MTMR10: variants seen among roughly 807,000 people sequenced by gnomAD.
MTMR10 encodes the protein myotubularin-related protein 10.
In MTMR10, 56 loss-of-function variants were observed where a neutral mutation model predicts 88.1. That is an observed-to-expected ratio of 0.64 (90% CI 0.51 to 0.79). The LOEUF is 0.79. Ranked by LOEUF, MTMR10 falls within the 30% of genes least tolerant of loss-of-function variation. The pLI is 0.00. For synonymous variants in MTMR10, 380 were observed against 340.9 expected (o/e 1.11, Z -1.26); for missense variants, 883 against 924.7 (o/e 0.95, Z 0.58).
At chr15:30,977,521 A>G (rs1595942654) in intron 2 of MTMR10, among the ~76,000 whole-genome samples, 1 of 152,380 alleles carries the variant, frequency 6.6e-6, no homozygotes, top group African/African-American at 2.4e-5. Context: ...ATTAAAAGAA[A>G]TAAATATAAG....
rs911676919 is a variant in MTMR10 at position 30,939,515 on chromosome 15, A to C, written c.*1955T>G. 9 of 981,428 alleles carry C rather than the reference A, an allele frequency of 9.2e-6. No individual in the cohort carries two copies. The African/African-American group carries it at 1.4e-4, about 15-fold the overall frequency. The allele number at this position is 981,428 out of a possible 1,614,324, so 60.8% of individuals were successfully genotyped here. The stretch of plus-strand genomic sequence containing the variant: ...TAAACTGTAGCACAATAATCATGAT[A>C]TAACAACTGTCCAGCAAAAATAAAA... On this transcript the variant is annotated 3_prime_UTR_variant, in exon 16 of 16. Coordinates refer to ENST00000435680, the MANE Select transcript of MTMR10 (RefSeq NM_017762.3).
downstream of MTMR10, chr15:30,937,299 AT>A: frequency 6.4e-7 from 1 of 1,563,438 alleles, no homozygotes; most frequent in South Asian, 1.2e-5. Flanking sequence ...TTAATGTAAG[AT>A]TTTCAAGAGT....
downstream of MTMR10, chr15:30,937,265 G>A (rs1383965315): frequency 1.9e-6 from 3 of 1,599,628 alleles, no homozygotes; most frequent in Non-Finnish European, 2.6e-6. Flanking sequence ...AAAAGGTATG[G>A]AATTGGGGAT....
chr15:30,942,773 A>T, intron 15 of MTMR10, 117 bp downstream of exon 15: 1 of 1,068,738 alleles, frequency 9.4e-7, no homozygotes, highest in Non-Finnish European at 1.3e-6. Flanking sequence ...ACCCCTCAGA[A>T]ACCCGCATTA....
rs11856420 is a variant in MTMR10, at chr15:30,942,818, C to T, written c.1731+72G>A. On this transcript the variant is annotated intron_variant, in intron 15 of 15. Coordinates refer to ENST00000435680, the MANE Select transcript of MTMR10 (RefSeq NM_017762.3). ...CTCTTGGAAGTGCCTTTACTTTTAA[C>T]GCTCTCTGTTCTGAAAAAGAGGTGT... 6.3e-4 allele frequency: 886 copies of T among 1,409,472 alleles called. 5 individuals are homozygous for T. The African/African-American group carries it at 0.011, about 17-fold the overall frequency. 87.3% of individuals were successfully genotyped at this position (1,409,472 alleles called of 1,614,324 possible).
At chr15:30,976,468 T>C (rs1469899123) in intron 3 of MTMR10, among the ~76,000 whole-genome samples, 2 of 152,164 alleles carry the variant, frequency 1.3e-5, no homozygotes, top group East Asian at 1.9e-4. Context: ...CTAAAATGTG[T>C]GGCATTTATA....
chr15:30,925,005 T>C, the MTMR10 span: 5 of 992,658 alleles, frequency 5.0e-6, no homozygotes, highest in Non-Finnish European at 7.4e-6. Flanking sequence ...AGAAGTGCTG[T>C]TTGCTCATTT....
chr15:30,987,626 C>T (rs2031022647), intron 2 of MTMR10, among the ~76,000 whole-genome samples: 1 of 152,040 alleles, frequency 6.6e-6, no homozygotes, highest in Non-Finnish European at 1.5e-5. Flanking sequence ...ACCCTTGGAC[C>T]CAAGGCATTA....
In MTMR10 at chr15:30,967,782, T is replaced by C. The variant is rs1283654696; in HGVS notation, c.565+138A>G. The C allele has an allele frequency of 1.9e-5, 12 of 628,650 alleles. No individual in the cohort carries two copies. The Admixed American group carries it at 2.0e-4, about 10-fold the overall frequency. The allele number at this position is 628,650 out of a possible 1,614,324, so 38.9% of individuals were successfully genotyped here. Reference sequence around the variant, plus strand: ...ACAAACTATTGGCTCTTTTAGCATGTAGTGCTTACTTCTCTAAGGTATGAA... The same window carrying C: ...ACAAACTATTGGCTCTTTTAGCATGCAGTGCTTACTTCTCTAAGGTATGAA... On this transcript the variant is annotated intron_variant, in intron 6 of 15. Transcript: ENST00000435680.
At chr15:30,963,405 C>A (rs992418356) in intron 6 of MTMR10, among the ~76,000 whole-genome samples, 11 of 151,726 alleles carry the variant, frequency 7.2e-5, no homozygotes, top group African/African-American at 2.2e-4. Context: ...CCGAGGTGGG[C>A]GGATCACAAG....
chr15:30,930,767 A>G, the MTMR10 span: 1 of 1,466,506 alleles, frequency 6.8e-7, no homozygotes. Flanking sequence ...TGTTGGCAAG[A>G]TTGAATTCCT....
downstream of MTMR10, among the ~76,000 whole-genome samples, chr15:30,934,557 A>G (rs893826920): frequency 4.6e-5 from 7 of 151,460 alleles, no homozygotes; most frequent in African/African-American, 1.7e-4. Flanking sequence ...TGGTTTTTGT[A>G]TTTTTTAGAG....
Position 30,965,031 on chromosome 15 carries a change from A to C in MTMR10, c.565+2889T>G, listed in dbSNP as rs184000623. 2.7e-3 allele frequency among the ~76,000 whole-genome samples: 409 copies of C among 152,320 alleles called. 3 individuals are homozygous for C. The highest frequency in any genetic ancestry group is 2.8e-3 in the Non-Finnish European group (191 of 68,016). On this transcript the variant is annotated intron_variant, in intron 6 of 15. Coordinates refer to ENST00000435680, the MANE Select transcript of MTMR10 (RefSeq NM_017762.3). ...GGACTGTGAGTATTAATCAGTTCAA[A>C]AGCATGAGTCAACAAAGTGGTTCTT...
intron 6 of MTMR10, chr15:30,965,812 G>A (rs1430423866): frequency 6.6e-6 from 2 of 300,764 alleles, no homozygotes; most frequent in Non-Finnish European, 1.3e-5. Flanking sequence ...CATTTTCTCA[G>A]ATAACTGCAG....
rs2063029513 is a variant in MTMR10 at position 30,941,033 on chromosome 15, G to GA, written c.*436dup. 8.5e-7 allele frequency: 1 copy of GA among 1,169,744 alleles called. No homozygotes were observed. The highest frequency in any genetic ancestry group is 1.1e-6 in the Non-Finnish European group (1 of 934,016). 72.5% of individuals were successfully genotyped at this position (1,169,744 alleles called of 1,614,324 possible). On this transcript the variant is annotated 3_prime_UTR_variant, in exon 16 of 16. Transcript: ENST00000435680. ...AATTAGAGACGACAGAAAGTAACCAGAAAAATACATGAATACTTCCTAAAA... is the reference window on the plus strand; with the variant it reads ...AATTAGAGACGACAGAAAGTAACCAGAAAAAATACATGAATACTTCCTAAAA...
chr15:30,943,256 C>G, intron 14 of MTMR10, 184 bp from the exon 15 acceptor site: 1 of 1,357,736 alleles, frequency 7.4e-7, no homozygotes. Context: ...GAGGGCCCCA[C>G]AGTCCCCATG....
intron 2 of MTMR10, among the ~76,000 whole-genome samples, chr15:30,988,367 C>T (rs1595954656): frequency 1.3e-5 from 2 of 152,202 alleles, no homozygotes; most frequent in South Asian, 2.1e-4. Flanking sequence ...GTGATAGAGC[C>T]GTCATGTATG....
At chr15:30,965,709 T>A (rs77422747) in intron 6 of MTMR10, among the ~76,000 whole-genome samples, 1 of 152,168 alleles carries the variant, frequency 6.6e-6, no homozygotes, top group Non-Finnish European at 1.5e-5. Flanking sequence ...CACAGAAGTG[T>A]TGGGATGACT....
rs1322502217 is a variant in MTMR10, at chr15:30,958,962, G to C, written c.847-11C>G. 2 of 1,613,922 alleles carry C rather than the reference G, an allele frequency of 1.2e-6. No homozygotes were observed. Among genetic ancestry groups the C allele is most frequent in the African/African-American group, 2.7e-5 (2 of 75,016 alleles). ...GCTCCAGCACCAGAGCTAGGGGAGAGGTAGAATCCTTACTTCACTGTGTAG... is the reference window on the plus strand; with the variant it reads ...GCTCCAGCACCAGAGCTAGGGGAGACGTAGAATCCTTACTTCACTGTGTAG... On this transcript the variant is annotated splice_polypyrimidine_tract_variant and intron_variant, in intron 8 of 15. Coordinates refer to ENST00000435680, the MANE Select transcript of MTMR10 (RefSeq NM_017762.3).
Sources: allele counts gnomAD v4.1 joint callset (sites outside exome capture counted in the v4.1 genomes callset), GRCh38; gene constraint gnomAD v4.1.1; transcripts MANE v1.5; gene names NCBI Gene and HGNC (gene_info 2026-07-23, HGNC 2026-07-21).